The following ATP8A1 variants were observed in gnomAD, a reference collection of about 807,000 sequenced individuals.
ATP8A1 encodes phospholipid-transporting ATPase IA.
In ATP8A1, 90 loss-of-function variants were observed where a neutral mutation model predicts 177.7. The observed-to-expected ratio is 0.51, with a 90% CI of 0.43 to 0.60. The LOEUF is 0.60. ATP8A1 is among the 20% of genes least tolerant of loss of function. The pLI is 0.00. For missense variants in ATP8A1, 1,072 were observed against 1,392.8 expected (o/e 0.77, Z 3.67); for synonymous variants, 493 against 485.9 (o/e 1.01, Z -0.19).
Position 42,604,927 on chromosome 4 carries a change from C to T in ATP8A1, c.410-4409G>A, listed in dbSNP as rs543026909. On this transcript the variant is annotated intron_variant, in intron 5 of 36. Coordinates refer to ENST00000381668, the MANE Select transcript of ATP8A1 (RefSeq NM_006095.2). ...GAAAGAACCCAGACACAAAGGGCCA[C>T]GTATTGTATGATCCCATGTACATAA... Among the ~76,000 whole-genome samples, 18 of 152,268 alleles carry T rather than the reference C, an allele frequency of 1.2e-4. No homozygotes were observed. In the East Asian group the frequency reaches 1.9e-3, roughly 16 times the overall value.
At chr4:42,606,396 A>G (rs1735801459) in intron 5 of ATP8A1, among the ~76,000 whole-genome samples, 1 of 152,202 alleles carries the variant, frequency 6.6e-6, no homozygotes, top group Non-Finnish European at 1.5e-5. Flanking sequence ...AAGCCCAGGC[A>G]AAAGTTTCCA....
At chr4:42,554,957 C>A (rs959542937) in intron 16 of ATP8A1, among the ~76,000 whole-genome samples, 1 of 152,092 alleles carries the variant, frequency 6.6e-6, no homozygotes, top group East Asian at 1.9e-4. Context: ...TGCTTCCTGC[C>A]CTCAAACATT....
intron 35 of ATP8A1, among the ~76,000 whole-genome samples, chr4:42,417,803 G>T (rs918210008): frequency 1.3e-5 from 2 of 152,188 alleles, no homozygotes; most frequent in Non-Finnish European, 2.9e-5. Flanking sequence ...TGTATAGCAT[G>T]CAATAGCTGT....
At position 42,564,680 on chromosome 4, in the gene ATP8A1, C is replaced by T. The variant is rs191463708; in HGVS notation, c.1340+4481G>A. Among the ~76,000 whole-genome samples the T allele has an allele frequency of 3.3e-5, 5 of 152,306 alleles. No homozygotes were observed. In the South Asian group the frequency reaches 6.2e-4, roughly 19 times the overall value. On this transcript the variant is annotated intron_variant, in intron 15 of 36. Coordinates refer to ENST00000381668, the MANE Select transcript of ATP8A1 (RefSeq NM_006095.2). Reference sequence around the variant, plus strand: ...TAACTTGCTTTTGATTTTACAGGCTCATAGGCAGAAGGGACTTGCCTTGTC... The same window carrying T: ...TAACTTGCTTTTGATTTTACAGGCTTATAGGCAGAAGGGACTTGCCTTGTC...
intron 9 of ATP8A1, among the ~76,000 whole-genome samples, chr4:42,585,685 A>G (rs546979599): frequency 6.6e-6 from 1 of 151,920 alleles, no homozygotes; most frequent in Non-Finnish European, 1.5e-5. Context: ...CCAAGGCTTA[A>G]GGCCAGGAAT....
At chr4:42,543,772 G>A in intron 20 of ATP8A1, 145 bp downstream of exon 20, 1 of 561,980 alleles carries the variant, frequency 1.8e-6, no homozygotes, top group Non-Finnish European at 3.0e-6. Context: ...AGAAGAGGCT[G>A]AACACTATTA....
At chr4:42,604,188 C>T (rs749890739) in intron 5 of ATP8A1, among the ~76,000 whole-genome samples, 4 of 152,134 alleles carry the variant, frequency 2.6e-5, no homozygotes, top group Non-Finnish European at 4.4e-5. Context: ...TCAGCTTTAA[C>T]AGCACTTTCT....
chr4:42,553,823 G>T (rs936315218), intron 16 of ATP8A1, among the ~76,000 whole-genome samples: 1 of 152,136 alleles, frequency 6.6e-6, no homozygotes, highest in African/African-American at 2.4e-5. Context: ...AAGGGAATAT[G>T]CAAATATCAT....
At chr4:42,512,532 C>A (rs922891150) in intron 22 of ATP8A1, among the ~76,000 whole-genome samples, 8 of 152,204 alleles carry the variant, frequency 5.3e-5, no homozygotes, top group Non-Finnish European at 1.0e-4. Flanking sequence ...TTCCTTCCTG[C>A]ATGAAATTTA....
chr4:42,471,429 A>G (rs1339851104), intron 25 of ATP8A1, among the ~76,000 whole-genome samples: 1 of 152,228 alleles, frequency 6.6e-6, no homozygotes, highest in Non-Finnish European at 1.5e-5. Context: ...TCTGCAATGC[A>G]TTTTAGATAT....
In ATP8A1 at chr4:42,600,484, C is replaced by T. The variant is rs1286072432; in HGVS notation, c.444G>A (p.Trp148Ter). 1.2e-6 allele frequency: 2 copies of T among 1,610,580 alleles called. No individual in the cohort carries two copies. Among genetic ancestry groups the T allele is most frequent in the Non-Finnish European group, 1.7e-6 (2 of 1,178,642 alleles). ...AATAAAAATCAGTGCATACCTTTTC[C>T]CAGTGGACAATTTCCCAAGCACCAT... ...LRNGAWEIVH[W>*]EKVAVGEIVK... is the part of the protein sequence containing the mutation. The change falls in exon 6 of 37, where the codon TGG (tryptophan) becomes TGA (stop). Residue 148 changes from tryptophan (W) to a stop codon, truncating the protein, a stop_gained. Transcript: ENST00000381668. LOFTEE classifies it high-confidence loss of function.
intron 23 of ATP8A1, among the ~76,000 whole-genome samples, chr4:42,506,188 C>G (rs187895222): frequency 3.0e-4 from 45 of 152,322 alleles, no homozygotes; most frequent in Non-Finnish European, 3.5e-4. Context: ...TGCTGAAACC[C>G]AGTCACTAGT....
chr4:42,642,507 G>A (rs1462339752), intron 1 of ATP8A1, among the ~76,000 whole-genome samples: 1 of 152,198 alleles, frequency 6.6e-6, no homozygotes, highest in Non-Finnish European at 1.5e-5. Context: ...CCACTAAACA[G>A]ATTAAGATAG....
chr4:42,562,812 T>C (rs979984188), intron 15 of ATP8A1, among the ~76,000 whole-genome samples: 1 of 152,220 alleles, frequency 6.6e-6, no homozygotes, highest in African/African-American at 2.4e-5. Flanking sequence ...CAAGCTCTCT[T>C]TGCCTGCTGG....
intron 35 of ATP8A1, 41 bp from the exon 36 acceptor site, chr4:42,414,759 C>T (rs773041585): frequency 9.4e-6 from 14 of 1,489,350 alleles, no homozygotes; most frequent in Middle Eastern, 1.7e-4. Context: ...ATTATCAACT[C>T]GGCAGAGACC....
rs1378903362 is a variant in ATP8A1, at chr4:42,569,140, AG to A, written c.1340+20del. ...AACCTTTTATAGGGATCAATGAGGC[AG>A]AAAGTTCCATAGAGCTTACCATTCA... On this transcript the variant is annotated intron_variant, in intron 15 of 36. Transcript: ENST00000381668. The A allele has an allele frequency of 1.3e-6, 2 of 1,570,554 alleles. No homozygotes were observed. The highest frequency in any genetic ancestry group is 2.7e-5 in the African/African-American group (2 of 72,942).
intron 20 of ATP8A1, among the ~76,000 whole-genome samples, chr4:42,536,227 G>T (rs1282491510): frequency 6.6e-6 from 1 of 152,268 alleles, no homozygotes; most frequent in East Asian, 1.9e-4. Context: ...AAGAAAATAA[G>T]AGAGAAGATC....
At position 42,615,882 on chromosome 4, in the gene ATP8A1, C is replaced by T. The variant is rs186644236; in HGVS notation, c.409+151G>A. On this transcript the variant is annotated intron_variant, in intron 5 of 36. Coordinates refer to ENST00000381668, the MANE Select transcript of ATP8A1 (RefSeq NM_006095.2). ...CTTTAAAGTGAGTTTAAGTGTCATCCTAACAAATGCCACAAAGCAAAAATC... is the reference window on the plus strand; with the variant it reads ...CTTTAAAGTGAGTTTAAGTGTCATCTTAACAAATGCCACAAAGCAAAAATC... 1.8e-4 allele frequency: 116 copies of T among 651,390 alleles called. 1 individual carries two copies. In the East Asian group the frequency reaches 2.9e-3, roughly 16 times the overall value. 40.4% of individuals were successfully genotyped at this position (651,390 alleles called of 1,614,324 possible).
chr4:42,648,339 A>G (rs1740750346), intron 1 of ATP8A1, among the ~76,000 whole-genome samples: 1 of 151,558 alleles, frequency 6.6e-6, no homozygotes, highest in Non-Finnish European at 1.5e-5. Flanking sequence ...GCTAAAAGGG[A>G]CCAAAATAAA....
Sources: gnomAD v4.1 joint callset for allele counts (sites outside exome capture counted in the v4.1 genomes callset) on GRCh38, gnomAD v4.1.1 for gene constraint, MANE v1.5 for transcripts, NCBI Gene and HGNC (gene_info 2026-07-23, HGNC 2026-07-21) for gene names.